RAI1: variants seen among roughly 807,000 people sequenced by gnomAD.
RAI1 encodes retinoic acid induced 1, also known as retinoic acid-induced protein 1.
Under a neutral mutation model 123.8 loss-of-function variants are expected in RAI1, and 9 were observed. The observed-to-expected ratio is 0.07, with a 90% CI of 0.04 to 0.13. The LOEUF (loss-of-function observed/expected upper bound fraction) is 0.13. RAI1 is among the 10% of genes least tolerant of loss of function. The probability of loss-of-function intolerance (pLI) is 1.00; values close to 1 mark genes in which losing one functional copy is unlikely to be tolerated. For missense variants in RAI1, 2,256 were observed against 2,545.8 expected (o/e 0.89, Z 2.45); for synonymous variants, 1,231 against 1,127.3 (o/e 1.09, Z -1.84).
At chr17:17,805,865 C>CA (rs1422271426) in intron 4 of RAI1, among the ~76,000 whole-genome samples, 3 of 152,014 alleles carry the variant, frequency 2.0e-5, no homozygotes, top group Admixed American at 2.0e-4. Context: ...CCTCCTTCCA[C>CA]AGTGATTAAC....
intron 1 of RAI1, among the ~76,000 whole-genome samples, chr17:17,710,651 CT>C (rs1915538112): frequency 1.3e-5 from 2 of 152,226 alleles, no homozygotes; most frequent in Admixed American, 6.5e-5. Flanking sequence ...AGATGTGCCC[CT>C]TGTGGCTACC....
Position 17,811,402 on chromosome 17 carries a change from A to AG in RAI1, c.*1422dup, listed in dbSNP as rs1491285770. The AG allele has an allele frequency of 1.3e-4, 14 of 104,290 alleles. No individual in the cohort carries two copies. The highest frequency in any genetic ancestry group is 2.4e-4 in the Admixed American group (1 of 4,098). The allele number at this position is 104,290 out of a possible 1,614,324, so 6.5% of individuals were successfully genotyped here. Reference sequence around the variant, plus strand: ...AGAGTAAAAAACAGTCATTGCATTCAGAAAAAAAAAAAAAAAAAAGTCAAT... The same window carrying AG: ...AGAGTAAAAAACAGTCATTGCATTCAGGAAAAAAAAAAAAAAAAAAGTCAAT... On this transcript the variant is annotated 3_prime_UTR_variant, in exon 6 of 6. Transcript: ENST00000353383.
intron 2 of RAI1, among the ~76,000 whole-genome samples, chr17:17,731,744 A>T (rs1287466068): frequency 1.3e-5 from 2 of 152,068 alleles, no homozygotes; most frequent in Non-Finnish European, 2.9e-5. Flanking sequence ...GCTGGTCTAG[A>T]GGGAAGCAGG....
intron 2 of RAI1, among the ~76,000 whole-genome samples, chr17:17,755,636 G>GCAGGGGTGCGTCCCCC (rs1185390047): frequency 7.3e-4 from 111 of 152,294 alleles, no homozygotes; most frequent in African/African-American, 2.5e-3. Flanking sequence ...GTCCTAGCCA[G>GCAGGGGTGCGTCCCCC]CAGGGGTGCG....
rs548071375 is a variant in RAI1, at chr17:17,796,846, G to T, written c.3898G>T (p.Ala1300Ser). ...TKLPPPETPD[A>S]CLKLASRAAF... ...GCTCCCACCCCCGGAGACCCCCGAT[G>T]CCTGCCTCAAGCTCGCCTCTCGGGC... is the stretch of plus-strand genomic sequence containing the variant. The change falls in exon 3 of 6, where the codon GCC (alanine) becomes TCC (serine). Residue 1300 changes from alanine to serine, a missense_variant. Physicochemically the swap from Ala to Ser is moderately conservative, Grantham distance 99. This residue lies in a region of RAI1 where 322 missense variants were observed against 358.0 expected (regional missense o/e 0.90). Coordinates refer to ENST00000353383, the MANE Select transcript of RAI1 (RefSeq NM_030665.4). The surrounding 1 kb of genome is among the most constrained non-coding windows in gnomAD (Gnocchi z 5.8). 6 of 1,612,424 alleles carry T rather than the reference G, an allele frequency of 3.7e-6. No individual in the cohort carries two copies. In the South Asian group the frequency reaches 6.6e-5, roughly 18 times the overall value.
Position 17,797,680 on chromosome 17 carries a change from A to G in RAI1, c.4732A>G (p.Lys1578Glu). ...LDPAEPEIRL[K>E]YISSCKRLRS... Reference sequence around the variant, plus strand: ...TCCCGCAGAGCCTGAAATCCGCCTCAAGTACATTTCCTCTTGCAAGCGGCT... The same window carrying G: ...TCCCGCAGAGCCTGAAATCCGCCTCGAGTACATTTCCTCTTGCAAGCGGCT... The change falls in exon 3 of 6, where the codon AAG becomes GAG. Residue 1578 changes from lysine to glutamate, a missense_variant. Lys to Glu is a moderately conservative substitution (Grantham distance 56). This residue lies in a region of RAI1 where 410 missense variants were observed against 374.6 expected (regional missense o/e 1.09). Transcript: ENST00000353383. 1 of 1,613,716 alleles carries G rather than the reference A, an allele frequency of 6.2e-7. No individual in the cohort carries two copies. The highest frequency in any genetic ancestry group is 8.5e-7 in the Non-Finnish European group (1 of 1,179,874).
intron 2 of RAI1, among the ~76,000 whole-genome samples, chr17:17,786,115 G>T (rs572668987): frequency 1.3e-3 from 203 of 152,074 alleles, no homozygotes; most frequent in African/African-American, 4.8e-3. Context: ...GGCTGCTGCT[G>T]CCCCTCCCCC....
intron 4 of RAI1, among the ~76,000 whole-genome samples, chr17:17,806,054 C>T (rs185132517): frequency 6.6e-6 from 1 of 152,266 alleles, no homozygotes; most frequent in Admixed American, 6.5e-5. Context: ...GCCCAGCCCC[C>T]CAAGGGGCTC....
At position 17,794,889 on chromosome 17, in the gene RAI1, C is replaced by T. The variant is rs140198185; in HGVS notation, c.1941C>T (p.Ser647=). 5.7e-4 allele frequency: 920 copies of T among 1,613,338 alleles called. No individual in the cohort carries two copies. Among genetic ancestry groups the T allele is most frequent in the Non-Finnish European group, 7.4e-4 (879 of 1,180,010 alleles). The change falls in exon 3 of 6, where the codon AGC becomes AGT. Residue 647 remains serine (S), a synonymous_variant. Coordinates refer to ENST00000353383, the MANE Select transcript of RAI1 (RefSeq NM_030665.4). ...CACCCTTCTCGCTGGAGAACCACAG[C>T]GCCTGCCTGGACTCTGTGGCCAAGA... ...SKPPFSLENH[S]ACLDSVAKSA...
chr17:17,774,327 C>T (rs147852731), intron 2 of RAI1, among the ~76,000 whole-genome samples: 148 of 152,340 alleles, frequency 9.7e-4, no homozygotes, highest in African/African-American at 3.3e-3. Flanking sequence ...CAGCAGTGGG[C>T]GTCAGGTACT....
intron 2 of RAI1, among the ~76,000 whole-genome samples, chr17:17,784,910 A>G (rs2031770204): frequency 6.6e-6 from 1 of 152,130 alleles, no homozygotes; most frequent in Admixed American, 6.5e-5. Flanking sequence ...GCAGCCCCCC[A>G]GTCCCACCCA....
chr17:17,791,223 G>A (rs780283848), intron 2 of RAI1, among the ~76,000 whole-genome samples: 10 of 152,222 alleles, frequency 6.6e-5, no homozygotes, highest in Non-Finnish European at 5.9e-5. Context: ...CCCAGGACTG[G>A]GCTGACGGGC....
At chr17:17,704,864 T>TG (rs5819620) in intron 1 of RAI1, among the ~76,000 whole-genome samples, 3 of 130,614 alleles carry the variant, frequency 2.3e-5, no homozygotes, top group Non-Finnish European at 5.1e-5. Context: ...GGTTTTTGGG[T>TG]GGGGGGGCCG....
At chr17:17,750,345 C>T (rs958383880) in intron 2 of RAI1, among the ~76,000 whole-genome samples, 6 of 152,198 alleles carry the variant, frequency 3.9e-5, no homozygotes, top group Non-Finnish European at 5.9e-5. Context: ...TACAACAGCC[C>T]TACAGGAGGG....
Position 17,797,410 on chromosome 17 carries a change from A to G in RAI1, c.4462A>G (p.Ser1488Gly), listed in dbSNP as rs1243143088. ...RDRASGTQGA[S>G]EDNSGGGGKK... ...CAGGGCCAGTGGCACACAAGGGGCC[A>G]GTGAGGACAACTCTGGTGGAGGAGG... Residue 1488 changes from serine (S) to glycine (G), a missense_variant, in exon 3 of 6, where the codon AGT becomes GGT. Physicochemically the swap from Ser to Gly is moderately conservative, Grantham distance 56 (BLOSUM62 0). Around this residue, in one of 7 missense-constraint regions of RAI1, gnomAD observed 410 missense variants for 374.6 expected, o/e 1.09. Transcript: ENST00000353383. 3 of 1,612,926 alleles carry G rather than the reference A, an allele frequency of 1.9e-6. No individual in the cohort carries two copies. The highest frequency in any genetic ancestry group is 4.5e-5 in the East Asian group (2 of 44,832).
chr17:17,727,010 T>C (rs1036786818), intron 2 of RAI1, among the ~76,000 whole-genome samples: 10 of 152,246 alleles, frequency 6.6e-5, no homozygotes, highest in African/African-American at 9.6e-5. Context: ...ATTCCCCTTT[T>C]GTCCAACATT....
Position 17,788,339 on chromosome 17 carries a change from C to T in RAI1, c.-16-4594C>T, listed in dbSNP as rs368347902. On this transcript the variant is annotated intron_variant, in intron 2 of 5. Coordinates refer to ENST00000353383, the MANE Select transcript of RAI1 (RefSeq NM_030665.4). ...TTGTCTTGTGGGCTCCTTGGAAACT[C>T]GCCCCCTTCCTCCCATTCAAGCCAG... Among the ~76,000 whole-genome samples, 15 of 152,306 alleles carry T rather than the reference C, an allele frequency of 9.8e-5. No homozygotes were observed. In the South Asian group the frequency reaches 1.9e-3, roughly 19 times the overall value.
intron 1 of RAI1, among the ~76,000 whole-genome samples, chr17:17,696,934 G>A (rs1308973468): frequency 6.6e-6 from 1 of 152,182 alleles, no homozygotes; most frequent in East Asian, 1.9e-4. Flanking sequence ...GACTTCCTAG[G>A]AGTTGGTTTC....
rs1341780050 is a variant in RAI1 at position 17,685,053 on chromosome 17, G to A, written c.-149+3260G>A. On this transcript the variant is annotated intron_variant, in intron 1 of 5. Transcript: ENST00000353383. The surrounding 1 kb of genome is among the most constrained non-coding windows in gnomAD (Gnocchi z 4.0). ...ATAAATGCTGATTGCTGCCGTCATT[G>A]TTGTATTGTTATTGCTGTTCTATCT... is the stretch of plus-strand genomic sequence containing the variant. 2.0e-5 allele frequency: 3 copies of A among 152,252 alleles called. No homozygotes were observed. The highest frequency in any genetic ancestry group is 2.9e-5 in the Non-Finnish European group (2 of 68,050). 9.4% of individuals were successfully genotyped at this position (152,252 alleles called of 1,614,324 possible). A position where few individuals can be genotyped will look rare whatever the true frequency, so the allele number is the denominator to read the frequency against.
Sources: gnomAD v4.1 joint callset for allele counts (sites outside exome capture counted in the v4.1 genomes callset) on GRCh38, gnomAD v4.1.1 for gene constraint, gnomAD v4.1.1 regional missense constraint, Gnocchi (gnomAD v3.1) non-coding constraint, MANE v1.5 for transcripts, NCBI Gene and HGNC (gene_info 2026-07-23, HGNC 2026-07-21) for gene names.